Variants in TEP1 observed in about 807,000 individuals in gnomAD.
TEP1 encodes the protein telomerase protein component 1.
A neutral mutation model predicts 306.3 loss-of-function variants in TEP1; 241 were observed. The observed-to-expected ratio is 0.79, with a 90% CI of 0.71 to 0.88. The LOEUF is 0.88. Among genes scored for constraint, TEP1 ranks in the 40% least tolerant of loss-of-function variants. The pLI is 0.00. For missense variants in TEP1, 3,051 were observed against 3,276.1 expected (o/e 0.93, Z 1.68); for synonymous variants, 1,289 against 1,305.5 (o/e 0.99, Z 0.27).
chr14:20,403,337 T>G (rs754468380), intron 7 of TEP1, 40 bp downstream of exon 7: 14 of 1,606,844 alleles, frequency 8.7e-6, no homozygotes, highest in East Asian at 2.2e-5. Context: ...CCAGAAGAGA[T>G]TGTACATGCA....
intron 51 of TEP1, among the ~76,000 whole-genome samples, chr14:20,370,248 A>G (rs1884756431): frequency 6.6e-6 from 1 of 152,168 alleles, no homozygotes; most frequent in African/African-American, 2.4e-5. Context: ...TCGGCGATGT[A>G]TTTTTACATG....
chr14:20,368,070 T>C lies in TEP1; in HGVS notation c.*367A>G. On this transcript the variant is annotated 3_prime_UTR_variant, in exon 55 of 55. Coordinates refer to ENST00000262715, the MANE Select transcript of TEP1 (RefSeq NM_007110.5). Reference sequence around the variant, plus strand: ...CAAATTGAATGTTGGCCAACATCACTCTCATTCCTCCTCCTGGCAAGAATG... The same window carrying C: ...CAAATTGAATGTTGGCCAACATCACCCTCATTCCTCCTCCTGGCAAGAATG... The C allele has an allele frequency of 5.7e-6, 1 of 176,750 alleles. No homozygotes were observed. Among genetic ancestry groups the C allele is most frequent in the South Asian group, 1.3e-4 (1 of 7,896 alleles). 10.9% of individuals were successfully genotyped at this position (176,750 alleles called of 1,614,324 possible).
chr14:20,387,223 G>A (rs1301293047), intron 18 of TEP1, among the ~76,000 whole-genome samples: 25 of 147,650 alleles, frequency 1.7e-4, no homozygotes, highest in Admixed American at 8.7e-4. Context: ...CGTGAGCCAC[G>A]GCGCTCAGCA....
intron 9 of TEP1, chr14:20,400,522 A>G (rs1422835017): frequency 7.7e-6 from 1 of 129,582 alleles, no homozygotes; most frequent in Admixed American, 7.7e-5. Flanking sequence ...AAAAAAAAAA[A>G]CAGAGAAAGA....
rs767674334 is a variant in TEP1, at chr14:20,374,494, C to G, written c.6406G>C (p.Glu2136Gln). 5 of 1,613,612 alleles carry G rather than the reference C, an allele frequency of 3.1e-6. No individual in the cohort carries two copies. The highest frequency in any genetic ancestry group is 4.2e-6 in the Non-Finnish European group (5 of 1,179,942). The change falls in exon 44 of 55, where the codon GAG (glutamate) becomes CAG (glutamine). Residue 2136 changes from glutamate to glutamine, a missense_variant. Glu to Gln is a conservative substitution (Grantham distance 29, BLOSUM62 2). Coordinates refer to ENST00000262715, the MANE Select transcript of TEP1 (RefSeq NM_007110.5). Reference protein sequence around the residue: ...SDGSVGLWDPESGQRLGQFLG... With the variant: ...SDGSVGLWDPQSGQRLGQFLG... ...AACTGACCAAGCCGCTGTCCTGACT[C>G]TGGGTCCCAGAGCCCCACAGAGCCA...
In TEP1 at chr14:20,386,080, G is replaced by A; in HGVS notation, c.2977C>T (p.His993Tyr). The change falls in exon 20 of 55, where the codon CAC (histidine) becomes TAC (tyrosine). Residue 993 changes from histidine (H) to tyrosine (Y), a missense_variant. His to Tyr is a moderately conservative substitution (Grantham distance 83). Around this residue, in one of 3 missense-constraint regions of TEP1, gnomAD observed 1,507 missense variants for 1,550.5 expected, o/e 0.97. Transcript: ENST00000262715. Reference protein sequence around the residue: ...SYNLPDHPHFHWAQQYPSGRS... With the variant: ...SYNLPDHPHFYWAQQYPSGRS... ...TCCAAACCTGTCTGCCTTACCCAGT[G>A]GAAGTGTGGATGGTCAGGAAGGTTG... 6.2e-7 allele frequency: 1 copy of A among 1,609,022 alleles called. No homozygotes were observed. The highest frequency in any genetic ancestry group is 8.5e-7 in the Non-Finnish European group (1 of 1,178,196).
chr14:20,406,301 C>A lies in TEP1; in HGVS notation c.667G>T (p.Val223Leu), dbSNP rs767578551. ...TCAGAGTCTCCAGAGGTGAGCTTCA[C>A]GGCCAGATCCTCCACCTCCTCCTCC... is the stretch of plus-strand genomic sequence containing the variant. ...GEEEEVEDLA[V>L]KLTSGDSESH... The change falls in exon 3 of 55, where the codon GTG (valine) becomes TTG (leucine). Residue 223 changes from valine to leucine, a missense_variant. Coordinates refer to ENST00000262715, the MANE Select transcript of TEP1 (RefSeq NM_007110.5). 1.9e-6 allele frequency: 3 copies of A among 1,613,976 alleles called. No individual in the cohort carries two copies. The African/African-American group carries it at 4.0e-5, about 22-fold the overall frequency.
At position 20,406,262 on chromosome 14, in the gene TEP1, G is replaced by A. The variant is rs374493917; in HGVS notation, c.706C>T (p.Pro236Ser). Residue 236 changes from proline to serine, a missense_variant, in exon 3 of 55, where the codon CCT becomes TCT. This residue lies in a region of TEP1 where 1,507 missense variants were observed against 1,550.5 expected (regional missense o/e 0.97). Transcript: ENST00000262715. ...TSGDSESHPE[P>S]TDHVLQEKKM... ...TTTTCCTGAAGGACATGGTCAGTAG[G>A]CTCTGGATGAGATTCAGAGTCTCCA... 15 of 1,613,986 alleles carry A rather than the reference G, an allele frequency of 9.3e-6. No homozygotes were observed. Among genetic ancestry groups the A allele is most frequent in the Non-Finnish European group, 1.0e-5 (12 of 1,180,008 alleles).
rs745457205 is a variant in TEP1, at chr14:20,389,310, G to C, written c.2466-13C>G. On this transcript the variant is annotated splice_polypyrimidine_tract_variant and intron_variant, in intron 16 of 54. Coordinates refer to ENST00000262715, the MANE Select transcript of TEP1 (RefSeq NM_007110.5). ...CAAATCTGTTGACCTGGCAAAGGAA[G>C]AAGCAGTCATTAACCATCACAAACA... 1 of 1,614,018 alleles carries C rather than the reference G, an allele frequency of 6.2e-7. No homozygotes were observed. Among genetic ancestry groups the C allele is most frequent in the Non-Finnish European group, 8.5e-7 (1 of 1,179,986 alleles).
chr14:20,390,761 G>C lies in TEP1; in HGVS notation c.2257-3C>G. On this transcript the variant is annotated splice_region_variant and splice_polypyrimidine_tract_variant and intron_variant, in intron 14 of 54. Transcript: ENST00000262715. ...CATCCATCATTTTCATCAAACTCCT[G>C]AAGGAAAGAGACTTCATGTTATGTG... The C allele has an allele frequency of 6.2e-7, 1 of 1,614,174 alleles. No individual in the cohort carries two copies. The highest frequency in any genetic ancestry group is 8.5e-7 in the Non-Finnish European group (1 of 1,180,020).
rs762230665 is a variant in TEP1, at chr14:20,373,223, T to A, written c.6814+47A>T. The A allele has an allele frequency of 2.9e-5, 47 of 1,612,300 alleles. 1 individual carries two copies. The highest frequency in any genetic ancestry group is 3.6e-5 in the Non-Finnish European group (43 of 1,178,586). ...AGAGATATCAGGCCACCCTTGACCT[T>A]TTTTTGTGCCAGTAACACACCCTGT... is the stretch of plus-strand genomic sequence containing the variant. On this transcript the variant is annotated intron_variant, in intron 47 of 54. Coordinates refer to ENST00000262715, the MANE Select transcript of TEP1 (RefSeq NM_007110.5).
chr14:20,370,065 C>G (rs1884744782), intron 51 of TEP1, among the ~76,000 whole-genome samples: 1 of 152,176 alleles, frequency 6.6e-6, no homozygotes, highest in African/African-American at 2.4e-5. Context: ...CGGCGTGCGC[C>G]ACCACACCCA....
At chr14:20,396,539 G>A (rs145567037) in intron 10 of TEP1, 82 bp downstream of exon 10, 1 of 1,212,286 alleles carries the variant, frequency 8.2e-7, no homozygotes, top group African/African-American at 1.5e-5. Flanking sequence ...CCCTGAAAAA[G>A]CCTGGCCTCT....
intron 19 of TEP1, 94 bp from the exon 20 acceptor site, chr14:20,386,289 AC>A: frequency 6.3e-7 from 1 of 1,599,202 alleles, no homozygotes; most frequent in Non-Finnish European, 8.5e-7. Flanking sequence ...CTGACTCGCA[AC>A]TGAGTAAAGA....
intron 1 of TEP1, among the ~76,000 whole-genome samples, chr14:20,410,050 A>C: frequency 7.2e-6 from 1 of 138,252 alleles, no homozygotes; most frequent in African/African-American, 2.6e-5. Flanking sequence ...AAAAAAAAAA[A>C]AAAAAATGCC....
In TEP1 at chr14:20,405,595, G is replaced by A. The variant is rs1879115793; in HGVS notation, c.736-10C>T. On this transcript the variant is annotated splice_polypyrimidine_tract_variant and intron_variant, in intron 3 of 54. Transcript: ENST00000262715. ...AGCTCAGTAGAGCCATCTGGGAATT[G>A]AGAAAGAGGGAAGAAATGAGAAGAG... 1 of 1,612,768 alleles carries A rather than the reference G, an allele frequency of 6.2e-7. No homozygotes were observed. The highest frequency in any genetic ancestry group is 8.5e-7 in the Non-Finnish European group (1 of 1,179,418).
Position 20,368,429 on chromosome 14 carries a change from G to A in TEP1, c.*8C>T, listed in dbSNP as rs372214414. 5.0e-6 allele frequency: 8 copies of A among 1,613,658 alleles called. No individual in the cohort carries two copies. Among genetic ancestry groups the A allele is most frequent in the Non-Finnish European group, 6.8e-6 (8 of 1,179,778 alleles). On this transcript the variant is annotated 3_prime_UTR_variant, in exon 55 of 55. Transcript: ENST00000262715. ...CAAGGGGTATCATTATTCCCGAGTG[G>A]CACATCTTCATTCCCAATTCAGAAA... is the stretch of plus-strand genomic sequence containing the variant.
chr14:20,374,822 G>C (rs986439664), intron 43 of TEP1, among the ~76,000 whole-genome samples: 1 of 152,166 alleles, frequency 6.6e-6, no homozygotes, highest in Non-Finnish European at 1.5e-5. Flanking sequence ...GGGCACGGTG[G>C]CTCATGCCTG....
chr14:20,395,978 A>G, intron 10 of TEP1, 29 bp from the exon 11 acceptor site: 4 of 1,594,490 alleles, frequency 2.5e-6, no homozygotes, highest in Non-Finnish European at 3.4e-6. Flanking sequence ...AGGGGTCATG[A>G]GCACAGGAGC....
Sources: allele counts gnomAD v4.1 joint callset (sites outside exome capture counted in the v4.1 genomes callset), GRCh38; gene constraint gnomAD v4.1.1; regional missense constraint gnomAD v4.1.1; transcripts MANE v1.5; gene names NCBI Gene and HGNC (gene_info 2026-07-23, HGNC 2026-07-21).